PFN4: variants seen among roughly 807,000 people sequenced by gnomAD.
The protein encoded by PFN4 is profilin-4.
A neutral mutation model predicts 16.3 loss-of-function variants in PFN4; 10 were observed. That is an observed-to-expected ratio of 0.61 (90% CI 0.38 to 1.04). The LOEUF (loss-of-function observed/expected upper bound fraction) is 1.04, where lower values mean the gene tolerates loss of function less well. PFN4 is among the 50% of genes least tolerant of loss of function. The probability of loss-of-function intolerance (pLI) is 0.01; values close to 1 mark genes in which losing one functional copy is unlikely to be tolerated. For synonymous variants in PFN4, 54 were observed against 56.9 expected (o/e 0.95, Z 0.23); for missense variants, 136 against 153.6 (o/e 0.89, Z 0.61).
At chr2:24,121,375 GTTTTTTA>G in intron 2 of PFN4, 75 bp from the exon 3 acceptor site, 1 of 1,396,540 alleles carries the variant, frequency 7.2e-7, no homozygotes, top group Admixed American at 2.1e-5. Flanking sequence ...CCCACTACCT[GTTTTTTA>G]TGGCCTGCAA....
At chr2:24,120,283 CAACAAAACAA>C (rs558516591) in intron 3 of PFN4, among the ~76,000 whole-genome samples, 45 of 150,848 alleles carry the variant, frequency 3.0e-4, no homozygotes, top group Admixed American at 1.9e-3. Context: ...AAAAAAACAA[CAACAAAACAA>C]AACAAAACAA....
chr2:24,119,827 A>G (rs1387230110), intron 3 of PFN4, 145 bp from the exon 4 acceptor site: 1 of 598,374 alleles, frequency 1.7e-6, no homozygotes, highest in Admixed American at 3.3e-5. Context: ...TATATTTTCC[A>G]TATGTTTATA....
At position 24,114,992 on chromosome 2, in the gene PFN4, A is replaced by G. The variant is rs1665868851; in HGVS notation, c.*591T>C. ...CTGCAAATGGGAGTGTGAAATGTCC[A>G]TTGAATACCTTGACTAGTGGTCCAT... is the stretch of plus-strand genomic sequence containing the variant. On this transcript the variant is annotated 3_prime_UTR_variant, in exon 5 of 5. Transcript: ENST00000313213. Among the ~76,000 whole-genome samples the G allele has an allele frequency of 6.6e-6, 1 of 152,224 alleles. No individual in the cohort carries two copies. The highest frequency in any genetic ancestry group is 1.5e-5 in the Non-Finnish European group (1 of 68,044).
chr2:24,119,639 A>T lies in PFN4; in HGVS notation c.299T>A (p.Leu100Gln), dbSNP rs1199752820. 1 of 1,613,734 alleles carries T rather than the reference A, an allele frequency of 6.2e-7. No homozygotes were observed. Among genetic ancestry groups the T allele is most frequent in the Non-Finnish European group, 8.5e-7 (1 of 1,179,842 alleles). ...CATGCCCTCAGTGTAAGTTGCTACC[A>T]GAAGATACAGATGGGTCTTCACGAC... ...VVVVKTHLYL[L>Q]VATYTEGMYP... Residue 100 changes from leucine to glutamine, a missense_variant, in exon 4 of 5, where the codon CTG becomes CAG. Transcript: ENST00000313213.
intron 4 of PFN4, among the ~76,000 whole-genome samples, chr2:24,119,116 T>C (rs1666016900): frequency 6.6e-6 from 1 of 152,044 alleles, no homozygotes; most frequent in South Asian, 2.1e-4. Flanking sequence ...CTGTAAAATG[T>C]CTCTTTATAT....
At chr2:24,117,363 T>G (rs1400798595) in intron 4 of PFN4, among the ~76,000 whole-genome samples, 1 of 152,142 alleles carries the variant, frequency 6.6e-6, no homozygotes, top group African/African-American at 2.4e-5. Context: ...TCCTGTCTAT[T>G]TAAAGGTTTT....
At chr2:24,119,528 G>T in intron 4 of PFN4, 49 bp downstream of exon 4, 1 of 1,355,734 alleles carries the variant, frequency 7.4e-7, no homozygotes, top group Non-Finnish European at 1.0e-6. Flanking sequence ...GTAGTCGGAA[G>T]ACCCAACTAA....
intron 2 of PFN4, among the ~76,000 whole-genome samples, chr2:24,121,659 CCTAA>C (rs891355537): frequency 2.0e-5 from 3 of 151,934 alleles, no homozygotes; most frequent in Non-Finnish European, 4.4e-5. Context: ...TTCGGTGGGG[CCTAA>C]TGGGAGGTAT....
At chr2:24,116,526 A>G (rs1319943311) in intron 4 of PFN4, among the ~76,000 whole-genome samples, 1 of 152,194 alleles carries the variant, frequency 6.6e-6, no homozygotes, top group East Asian at 1.9e-4. Context: ...GTCTTGCAGA[A>G]TAAGTCACAA....
intron 4 of PFN4, among the ~76,000 whole-genome samples, chr2:24,117,940 G>T (rs1197372336): frequency 6.6e-6 from 1 of 152,186 alleles, no homozygotes; most frequent in Non-Finnish European, 1.5e-5. Context: ...AGAGCAGTGG[G>T]ATATTAATGG....
intron 2 of PFN4, among the ~76,000 whole-genome samples, chr2:24,121,525 C>G (rs1666118010): frequency 6.6e-6 from 1 of 152,140 alleles, no homozygotes; most frequent in Admixed American, 6.5e-5. Flanking sequence ...GGAACACAGT[C>G]ACATTCATTC....
At chr2:24,122,649 C>A in intron 1 of PFN4, 102 bp from the exon 2 acceptor site, 1 of 725,956 alleles carries the variant, frequency 1.4e-6, no homozygotes. Context: ...CTAAGATCAG[C>A]AAGTGTACTT....
chr2:24,121,104 G>A, intron 3 of PFN4, 59 bp downstream of exon 3: 1 of 1,595,856 alleles, frequency 6.3e-7, no homozygotes. Context: ...GCAGAGCAAG[G>A]AAATTTGGAG....
chr2:24,122,853 A>C, intron 1 of PFN4: 1 of 219,918 alleles, frequency 4.5e-6, no homozygotes, highest in African/African-American at 2.3e-5. Context: ...AAAAACAAAC[A>C]TTACACACTG....
At chr2:24,122,894 CAAAA>C (rs1666166023) in intron 1 of PFN4, 1 of 170,458 alleles carries the variant, frequency 5.9e-6, no homozygotes, top group Admixed American at 6.2e-5. Flanking sequence ...AAAATAAAAA[CAAAA>C]AACAAAACCC....
At chr2:24,117,323 T>G (rs1665952641) in intron 4 of PFN4, among the ~76,000 whole-genome samples, 1 of 151,596 alleles carries the variant, frequency 6.6e-6, no homozygotes, top group African/African-American at 2.4e-5. Flanking sequence ...CCTGATTAAT[T>G]TGTGTGACAG....
chr2:24,115,298 A>G lies in PFN4; in HGVS notation c.*285T>C. On this transcript the variant is annotated 3_prime_UTR_variant, in exon 5 of 5. Coordinates refer to ENST00000313213, the MANE Select transcript of PFN4 (RefSeq NM_199346.3). Reference sequence around the variant, plus strand: ...TGGCATACTTAGCAAGGTGTGTAGGAGTACAAGAGCCTCACAGAAAGGAGC... The same window carrying G: ...TGGCATACTTAGCAAGGTGTGTAGGGGTACAAGAGCCTCACAGAAAGGAGC... The G allele has an allele frequency of 2.5e-6, 1 of 397,266 alleles. No homozygotes were observed. Among genetic ancestry groups the G allele is most frequent in the East Asian group, 4.6e-5 (1 of 21,538 alleles). The allele number at this position is 397,266 out of a possible 1,614,324, so 24.6% of individuals were successfully genotyped here.
chr2:24,120,622 C>T (rs1666081470), intron 3 of PFN4, among the ~76,000 whole-genome samples: 1 of 152,050 alleles, frequency 6.6e-6, no homozygotes, highest in Admixed American at 6.5e-5. Context: ...ATGGCACGAT[C>T]TCGGCTCACT....
At chr2:24,119,739 G>T in intron 3 of PFN4, 57 bp from the exon 4 acceptor site, 1 of 1,322,282 alleles carries the variant, frequency 7.6e-7, no homozygotes, top group Non-Finnish European at 1.1e-6. Flanking sequence ...AGGACCAGTG[G>T]TCATGCTCCA....
Sources: gnomAD v4.1 joint callset for allele counts (sites outside exome capture counted in the v4.1 genomes callset) on GRCh38, gnomAD v4.1.1 for gene constraint, MANE v1.5 for transcripts, NCBI Gene and HGNC (gene_info 2026-07-23, HGNC 2026-07-21) for gene names.